The following ACTR3B variants were observed in gnomAD, a reference collection of about 807,000 sequenced individuals.
The protein encoded by ACTR3B is actin related protein 3B.
In ACTR3B, 8 loss-of-function variants were observed where a neutral mutation model predicts 59.0. The observed-to-expected ratio is 0.14, with a 90% CI of 0.08 to 0.24. The LOEUF is 0.24. Ranked by LOEUF, ACTR3B falls within the 10% of genes least tolerant of loss-of-function variation. ACTR3B has a pLI of 1.00. For synonymous variants in ACTR3B, 148 were observed against 197.9 expected (o/e 0.75, Z 2.12); for missense variants, 245 against 552.3 (o/e 0.44, Z 5.58).
In ACTR3B at chr7:152,852,239, C is replaced by A; in HGVS notation, c.1065C>A (p.Gly355=). The A allele has an allele frequency of 6.3e-7, 1 of 1,581,208 alleles. No homozygotes were observed. The highest frequency in any genetic ancestry group is 8.6e-7 in the Non-Finnish European group (1 of 1,160,904). Reference sequence around the variant, plus strand: ...TGAGGCTCAGCGAGGAGCTCAGCGGCGGGAGGATCAAGGTAGGAGCCAGAG... The same window carrying A: ...TGAGGCTCAGCGAGGAGCTCAGCGGAGGGAGGATCAAGGTAGGAGCCAGAG... ...ARLRLSEELS[G]GRIKPKPVEV... is the part of the protein sequence containing the mutation. Residue 355 remains glycine, a synonymous_variant, in exon 10 of 12, where the codon GGC becomes GGA. Transcript: ENST00000256001.
Position 152,832,928 on chromosome 7 carries a change from T to A in ACTR3B, c.951+7806T>A, listed in dbSNP as rs891550437. ...ACCCTCACAGCAACACCTTGGTTAG[T>A]GTCTGGTTAAATCACTGGGTGCTGT... On this transcript the variant is annotated intron_variant, in intron 9 of 11. Coordinates refer to ENST00000256001, the MANE Select transcript of ACTR3B (RefSeq NM_020445.6). 1.3e-5 allele frequency among the ~76,000 whole-genome samples: 2 copies of A among 152,218 alleles called. 1 individual carries two copies. Among genetic ancestry groups the A allele is most frequent in the Admixed American group, 1.3e-4 (2 of 15,284 alleles).
intron 4 of ACTR3B, among the ~76,000 whole-genome samples, chr7:152,804,547 G>A (rs1222526613): frequency 6.6e-6 from 1 of 152,192 alleles, no homozygotes; most frequent in Non-Finnish European, 1.5e-5. Context: ...GACCCCATGT[G>A]AGGTGACAGG....
At chr7:152,835,055 G>GT (rs202099282) in intron 9 of ACTR3B, among the ~76,000 whole-genome samples, 3,656 of 146,956 alleles carry the variant, frequency 0.025, 116 homozygotes, top group African/African-American at 0.078. Context: ...TGAATTAAGT[G>GT]TTTTTTTTTT....
chr7:152,808,747 T>C (rs528820953), intron 4 of ACTR3B, among the ~76,000 whole-genome samples: 1 of 152,366 alleles, frequency 6.6e-6, no homozygotes, highest in South Asian at 2.1e-4. Flanking sequence ...CATAGGTTTC[T>C]TTAGTTAATA....
chr7:152,773,117 A>G (rs1297268032), intron 1 of ACTR3B, among the ~76,000 whole-genome samples: 1 of 148,948 alleles, frequency 6.7e-6, no homozygotes, highest in Non-Finnish European at 1.5e-5. Context: ...GTAAAAGGAA[A>G]CAGGCAACAA....
chr7:152,779,855 T>C (rs1275847550), intron 1 of ACTR3B, among the ~76,000 whole-genome samples: 1 of 152,258 alleles, frequency 6.6e-6, no homozygotes, highest in Non-Finnish European at 1.5e-5. Flanking sequence ...AGATTTTGTT[T>C]GATGTTTGTT....
intron 8 of ACTR3B, among the ~76,000 whole-genome samples, chr7:152,823,805 C>A (rs1339739343): frequency 7.0e-6 from 1 of 143,412 alleles, no homozygotes; most frequent in Non-Finnish European, 1.6e-5. Context: ...TGTGGGTGGT[C>A]ACATGCCAGC....
At position 152,823,484 on chromosome 7, in the gene ACTR3B, T is replaced by A. The variant is rs761948785; in HGVS notation, c.827T>A (p.Phe276Tyr). ...KFVIDVGYER[F>Y]LGPEIFFHPE... The stretch of plus-strand genomic sequence containing the variant: ...GTTATAGACGTTGGTTACGAAAGAT[T>A]CCTGGGACCTGAAATATTCTTTCAC... Residue 276 changes from phenylalanine (F) to tyrosine (Y), a missense_variant, in exon 8 of 12, where the codon TTC becomes TAC. Phe to Tyr is a conservative substitution (Grantham distance 22). This residue lies in a region of ACTR3B where 153 missense variants were observed against 266.2 expected (regional missense o/e 0.57). Transcript: ENST00000256001. 6.2e-7 allele frequency: 1 copy of A among 1,614,052 alleles called. No individual in the cohort carries two copies. Among genetic ancestry groups the A allele is most frequent in the East Asian group, 2.2e-5 (1 of 44,894 alleles).
At chr7:152,836,123 C>CG (rs1421543413) in intron 9 of ACTR3B, among the ~76,000 whole-genome samples, 3 of 149,316 alleles carry the variant, frequency 2.0e-5, no homozygotes, top group Non-Finnish European at 3.0e-5. Flanking sequence ...GGCCGGAGGG[C>CG]GGGGGTACAG....
At chr7:152,845,463 G>A (rs969472706) in intron 9 of ACTR3B, among the ~76,000 whole-genome samples, 2 of 152,242 alleles carry the variant, frequency 1.3e-5, no homozygotes, top group Non-Finnish European at 2.9e-5. Flanking sequence ...CGCTGATGGT[G>A]CCCATGCAGA....
chr7:152,817,795 G>A (rs574480840), intron 6 of ACTR3B, among the ~76,000 whole-genome samples: 4 of 152,084 alleles, frequency 2.6e-5, no homozygotes, highest in Non-Finnish European at 5.9e-5. Flanking sequence ...TAATTTAATT[G>A]AAAAAATGGT....
intron 2 of ACTR3B, among the ~76,000 whole-genome samples, chr7:152,790,987 G>A (rs559747676): frequency 2.0e-5 from 3 of 151,076 alleles, no homozygotes; most frequent in African/African-American, 7.3e-5. Flanking sequence ...TTTTTTGACT[G>A]CAGAGCTTGT....
intron 4 of ACTR3B, chr7:152,813,359 A>G (rs1266958330): frequency 1.3e-5 from 2 of 150,884 alleles, no homozygotes; most frequent in Non-Finnish European, 2.9e-5. Context: ...TTCATAGTAT[A>G]TTGTTGAATG....
At chr7:152,826,137 G>A (rs1241223445) in intron 9 of ACTR3B, among the ~76,000 whole-genome samples, 6 of 152,270 alleles carry the variant, frequency 3.9e-5, no homozygotes, top group African/African-American at 1.4e-4. Flanking sequence ...TCAGCATTGC[G>A]TCACCTGTGC....
intron 4 of ACTR3B, among the ~76,000 whole-genome samples, chr7:152,804,264 G>A (rs1409241079): frequency 6.6e-6 from 1 of 152,222 alleles, no homozygotes; most frequent in East Asian, 1.9e-4. Flanking sequence ...GTGCTCTTGA[G>A]TGGAAACTGA....
At chr7:152,774,916 C>T (rs1465900273) in intron 1 of ACTR3B, among the ~76,000 whole-genome samples, 2 of 151,940 alleles carry the variant, frequency 1.3e-5, no homozygotes, top group African/African-American at 4.8e-5. Context: ...TTTATCAAAG[C>T]CATATTTAAA....
intron 9 of ACTR3B, among the ~76,000 whole-genome samples, chr7:152,845,960 T>C (rs1027774150): frequency 2.0e-5 from 3 of 152,268 alleles, no homozygotes; most frequent in African/African-American, 7.2e-5. Context: ...CTGAAATGAA[T>C]GCATTTAAAA....
intron 2 of ACTR3B, among the ~76,000 whole-genome samples, chr7:152,789,023 A>AAAC (rs71182042): frequency 0.079 from 11,547 of 145,932 alleles, 120 homozygotes; most frequent in Middle Eastern, 0.094. Context: ...CGCTGTCTCA[A>AAAC]AACAACAACA....
intron 2 of ACTR3B, among the ~76,000 whole-genome samples, chr7:152,790,105 A>G (rs1394272841): frequency 7.2e-6 from 1 of 138,026 alleles, no homozygotes; most frequent in Non-Finnish European, 1.5e-5. Flanking sequence ...AGATCCTCCC[A>G]CCTCAGCCTC....
Sources: gnomAD v4.1 joint callset for allele counts (sites outside exome capture counted in the v4.1 genomes callset) on GRCh38, gnomAD v4.1.1 for gene constraint, gnomAD v4.1.1 regional missense constraint, MANE v1.5 for transcripts, NCBI Gene and HGNC (gene_info 2026-07-23, HGNC 2026-07-21) for gene names.